The following NRF1 variants were observed in gnomAD, a reference collection of about 807,000 sequenced individuals.
NRF1 encodes the protein alpha palindromic-binding protein.
A neutral mutation model predicts 58.5 loss-of-function variants in NRF1; 5 were observed. That is an observed-to-expected ratio of 0.09 (90% CI 0.04 to 0.18). NRF1 has a LOEUF of 0.18. NRF1 is among the 10% of genes least tolerant of loss of function. The pLI, the probability that NRF1 is intolerant of heterozygous loss-of-function variation, is 1.00. For synonymous variants in NRF1, 224 were observed against 246.7 expected, an observed-to-expected ratio of 0.91 and a Z score of 0.86; for missense variants, 288 against 657.7, an observed-to-expected ratio of 0.44 and a Z score of 6.15.
intron 1 of NRF1, among the ~76,000 whole-genome samples, chr7:129,628,290 C>G (rs536340836): frequency 4.0e-5 from 6 of 151,312 alleles, no homozygotes; most frequent in African/African-American, 1.5e-4. Flanking sequence ...GTGATCTGCC[C>G]GTCTCGGTGG....
intron 4 of NRF1, among the ~76,000 whole-genome samples, chr7:129,680,340 A>C (rs1190135339): frequency 6.6e-6 from 1 of 152,172 alleles, no homozygotes; most frequent in Non-Finnish European, 1.5e-5. Flanking sequence ...GAAGATTTGG[A>C]GAAAGAAAAA....
intron 10 of NRF1, among the ~76,000 whole-genome samples, chr7:129,754,464 TAAAAAAA>T (rs57595268): frequency 2.0e-5 from 1 of 51,204 alleles, no homozygotes; most frequent in South Asian, 1.1e-3. Flanking sequence ...CCCTGTCTCT[TAAAAAAA>T]AAAAAAAAAA....
At chr7:129,701,353 T>G (rs900831974) in intron 5 of NRF1, among the ~76,000 whole-genome samples, 5 of 151,866 alleles carry the variant, frequency 3.3e-5, no homozygotes, top group Admixed American at 2.0e-4. Context: ...ATCCCAGCAC[T>G]TTGGGAGGCT....
At chr7:129,694,121 A>G (rs1397601034) in intron 5 of NRF1, among the ~76,000 whole-genome samples, 2 of 152,118 alleles carry the variant, frequency 1.3e-5, no homozygotes, top group African/African-American at 2.4e-5. Flanking sequence ...CATTTTCTCT[A>G]TCATATGCTC....
chr7:129,620,672 C>T (rs1434062634), intron 1 of NRF1, among the ~76,000 whole-genome samples: 1 of 152,176 alleles, frequency 6.6e-6, no homozygotes, highest in African/African-American at 2.4e-5. Flanking sequence ...AGGCATGAGC[C>T]ACCGCACTGG....
chr7:129,715,826 G>A (rs1803173846), intron 8 of NRF1, among the ~76,000 whole-genome samples: 1 of 152,160 alleles, frequency 6.6e-6, no homozygotes, highest in African/African-American at 2.4e-5. Context: ...CCAACATGGA[G>A]AAACCCCGTT....
intron 1 of NRF1, among the ~76,000 whole-genome samples, chr7:129,653,763 A>T (rs577336756): frequency 6.5e-4 from 99 of 152,340 alleles, no homozygotes; most frequent in African/African-American, 2.3e-3. Flanking sequence ...TTTTTCACTT[A>T]GCAATATGCA....
chr7:129,722,250 G>A (rs780924377), intron 9 of NRF1, among the ~76,000 whole-genome samples: 8 of 152,116 alleles, frequency 5.3e-5, no homozygotes, highest in Non-Finnish European at 8.8e-5. Flanking sequence ...AAGTAGCCGG[G>A]CGTGGTGGTG....
chr7:129,676,665 A>C (rs1184087587), intron 3 of NRF1, among the ~76,000 whole-genome samples: 2 of 152,362 alleles, frequency 1.3e-5, no homozygotes, highest in East Asian at 3.9e-4. Flanking sequence ...ATAATGAAGA[A>C]GTTTGAAATA....
chr7:129,616,589 C>T (rs867483923), intron 1 of NRF1, among the ~76,000 whole-genome samples: 12 of 152,030 alleles, frequency 7.9e-5, no homozygotes, highest in South Asian at 2.1e-4. Flanking sequence ...ACAGTGCGAC[C>T]GTGTTTCTTA....
intron 1 of NRF1, among the ~76,000 whole-genome samples, chr7:129,648,240 A>G (rs1444699749): frequency 6.8e-6 from 1 of 147,708 alleles, no homozygotes; most frequent in African/African-American, 2.5e-5. Context: ...TGTCTATACC[A>G]CTATTTCTTG....
intron 6 of NRF1, 64 bp from the exon 7 acceptor site, chr7:129,710,310 T>C: frequency 2.1e-6 from 3 of 1,427,974 alleles, no homozygotes; most frequent in South Asian, 2.3e-5. Context: ...GCTTATTGCA[T>C]ATTGGGACTA....
chr7:129,748,181 AG>A (rs1484459986), intron 10 of NRF1, among the ~76,000 whole-genome samples: 2 of 147,542 alleles, frequency 1.4e-5, no homozygotes, highest in African/African-American at 4.9e-5. Context: ...AGGCTGAGGC[AG>A]GAGAATCACT....
chr7:129,660,370 T>A (rs1430076107), intron 2 of NRF1, among the ~76,000 whole-genome samples: 1 of 150,804 alleles, frequency 6.6e-6, no homozygotes, highest in Non-Finnish European at 1.5e-5. Flanking sequence ...TCTTAACTCA[T>A]TTCAGCATTA....
chr7:129,647,568 G>T (rs1801438050), intron 1 of NRF1, among the ~76,000 whole-genome samples: 1 of 151,896 alleles, frequency 6.6e-6, no homozygotes, highest in African/African-American at 2.4e-5. Context: ...GCTAATTTTT[G>T]TATTTTTAGT....
At chr7:129,752,052 C>G (rs1804130178) in intron 10 of NRF1, among the ~76,000 whole-genome samples, 1 of 152,216 alleles carries the variant, frequency 6.6e-6, no homozygotes, top group Non-Finnish European at 1.5e-5. Flanking sequence ...ACACTTTGTA[C>G]TTCATACTGT....
chr7:129,739,155 T>C lies in NRF1; in HGVS notation c.1348+11790T>C, dbSNP rs1022513282. ...ACTGTCCAGTATGATAGCTGTTAGC[T>C]ACATGTGGCTATTTGAATTTAAATG... On this transcript the variant is annotated intron_variant, in intron 10 of 10. Transcript: ENST00000393232. 2.6e-5 allele frequency among the ~76,000 whole-genome samples: 4 copies of C among 152,264 alleles called. 1 individual carries two copies. The highest frequency in any genetic ancestry group is 5.9e-5 in the Non-Finnish European group (4 of 68,038).
intron 1 of NRF1, among the ~76,000 whole-genome samples, chr7:129,618,983 T>G (rs767659346): frequency 5.9e-5 from 9 of 152,156 alleles, no homozygotes; most frequent in Non-Finnish European, 8.8e-5. Context: ...ATTTTCCACT[T>G]GTGGCATCAT....
intron 4 of NRF1, among the ~76,000 whole-genome samples, chr7:129,682,370 G>A (rs1303360017): frequency 2.6e-5 from 4 of 151,200 alleles, no homozygotes; most frequent in African/African-American, 9.7e-5. Flanking sequence ...GAGATGTGAA[G>A]ATTGCTTGAG....
Sources: gnomAD v4.1 joint callset for allele counts (sites outside exome capture counted in the v4.1 genomes callset) on GRCh38, gnomAD v4.1.1 for gene constraint, MANE v1.5 for transcripts, NCBI Gene and HGNC (gene_info 2026-07-23, HGNC 2026-07-21) for gene names.